The following DCC variants were observed in gnomAD, a reference collection of about 807,000 sequenced individuals.
DCC encodes the protein netrin receptor DCC.
Under a neutral mutation model 172.5 loss-of-function variants are expected in DCC, and 58 were observed. The ratio of observed to expected loss-of-function variants is 0.34; its 90% confidence interval spans 0.27 to 0.42. The LOEUF (loss-of-function observed/expected upper bound fraction) is 0.42. DCC is among the 10% of genes least tolerant of loss of function. DCC has a pLI of 1.00. For synonymous variants in DCC, 709 were observed against 644.5 expected, an observed-to-expected ratio of 1.10 and a Z score of -1.52; for missense variants, 1,740 against 1,791.0, an observed-to-expected ratio of 0.97 and a Z score of 0.51.
chr18:52,907,656 T>G (rs1443254252), intron 3 of DCC, among the ~76,000 whole-genome samples: 1 of 152,144 alleles, frequency 6.6e-6, no homozygotes, highest in Admixed American at 6.5e-5. Context: ...GCTCCAGCAA[T>G]CTGCCTGCCT....
At chr18:52,659,788 A>G (rs547246340) in intron 1 of DCC, among the ~76,000 whole-genome samples, 21 of 152,026 alleles carry the variant, frequency 1.4e-4, no homozygotes, top group Admixed American at 1.0e-3. Flanking sequence ...GTGGGATGGG[A>G]GGTGATGGCC....
intron 1 of DCC, among the ~76,000 whole-genome samples, chr18:52,682,668 A>G (rs1056985175): frequency 6.6e-6 from 1 of 152,128 alleles, no homozygotes; most frequent in African/African-American, 2.4e-5. Context: ...AAGGCAGATA[A>G]TTAACACGAA....
rs180919191 is a variant in DCC at position 53,067,197 on chromosome 18, T to C, written c.1261+1031T>C. Among the ~76,000 whole-genome samples, 376 of 152,246 alleles carry C rather than the reference T, an allele frequency of 2.5e-3. 2 individuals are homozygous for C. The highest frequency in any genetic ancestry group is 7.6e-3 in the African/African-American group (317 of 41,528). ...AATGTCATTTTGTTTTATAGTCTTT[T>C]GGAAGCTTAATATATTGCTGAATTA... On this transcript the variant is annotated intron_variant, in intron 7 of 28. Coordinates refer to ENST00000442544, the MANE Select transcript of DCC (RefSeq NM_005215.4).
chr18:52,633,516 T>C (rs577503533), intron 1 of DCC, among the ~76,000 whole-genome samples: 1 of 152,296 alleles, frequency 6.6e-6, no homozygotes, highest in Admixed American at 6.5e-5. Context: ...ATTCTGCCCA[T>C]CTATACAATG....
chr18:52,667,078 A>G (rs1397664154), intron 1 of DCC, among the ~76,000 whole-genome samples: 1 of 152,134 alleles, frequency 6.6e-6, no homozygotes, highest in Admixed American at 6.5e-5. Flanking sequence ...TACAGTTACA[A>G]GGGAGGATAT....
At chr18:52,594,756 A>T (rs2033872400) in intron 1 of DCC, among the ~76,000 whole-genome samples, 1 of 152,132 alleles carries the variant, frequency 6.6e-6, no homozygotes, top group Non-Finnish European at 1.5e-5. Context: ...CAAAAACAGG[A>T]GCAAGAGAGC....
At chr18:53,047,476 TTG>T (rs1568268539) in intron 5 of DCC, among the ~76,000 whole-genome samples, 1,264 of 78,314 alleles carry the variant, frequency 0.016, 57 homozygotes, top group African/African-American at 0.029. Context: ...ATTTTTGCTA[TTG>T]AGGAATCTTT....
chr18:52,682,153 C>A (rs1047880423), intron 1 of DCC, among the ~76,000 whole-genome samples: 1 of 152,024 alleles, frequency 6.6e-6, no homozygotes. Flanking sequence ...TAACTTTGCC[C>A]AATTAACTCA....
At chr18:52,953,256 A>G (rs1411087749) in intron 5 of DCC, among the ~76,000 whole-genome samples, 2 of 152,180 alleles carry the variant, frequency 1.3e-5, no homozygotes, top group African/African-American at 4.8e-5. Context: ...CAGTGCTTAG[A>G]TAACAAGTCT....
chr18:53,090,710 A>C (rs1312638471), intron 7 of DCC, among the ~76,000 whole-genome samples: 1 of 103,164 alleles, frequency 9.7e-6, no homozygotes, highest in African/African-American at 4.2e-5. Flanking sequence ...AAAAAAAAAA[A>C]AAAAAAAAAA....
intron 7 of DCC, among the ~76,000 whole-genome samples, chr18:53,110,146 A>G (rs1306090828): frequency 6.6e-6 from 1 of 151,678 alleles, no homozygotes; most frequent in Admixed American, 6.6e-5. Context: ...ACTATCCCTG[A>G]GTTAGAAACG....
chr18:52,353,960 C>T (rs187608931), intron 1 of DCC, among the ~76,000 whole-genome samples: 37 of 152,090 alleles, frequency 2.4e-4, no homozygotes, highest in African/African-American at 7.5e-4. Flanking sequence ...TGCCTCTCAG[C>T]GAAACATGCA....
At chr18:53,528,946 CA>C (rs1160202214) in intron 28 of DCC, among the ~76,000 whole-genome samples, 4 of 151,468 alleles carry the variant, frequency 2.6e-5, no homozygotes, top group Non-Finnish European at 5.9e-5. Flanking sequence ...GAACGACAAC[CA>C]GACAATGAAA....
chr18:52,552,984 A>G (rs1333875659), intron 1 of DCC, among the ~76,000 whole-genome samples: 1 of 152,074 alleles, frequency 6.6e-6, no homozygotes, highest in African/African-American at 2.4e-5. Flanking sequence ...CACAGGCTGC[A>G]GGTTACAGCA....
At chr18:53,334,207 A>G (rs1361176858) in intron 14 of DCC, among the ~76,000 whole-genome samples, 1 of 152,078 alleles carries the variant, frequency 6.6e-6, no homozygotes, top group East Asian at 1.9e-4. Context: ...CTTCTTTTTC[A>G]CCCAGAAAAA....
intron 21 of DCC, among the ~76,000 whole-genome samples, chr18:53,431,818 A>T (rs547492955): frequency 6.6e-6 from 1 of 152,104 alleles, no homozygotes; most frequent in African/African-American, 2.4e-5. Flanking sequence ...TTCATATAAA[A>T]TTGTATTATT....
At chr18:52,892,866 C>T (rs750935500) in intron 2 of DCC, among the ~76,000 whole-genome samples, 1 of 152,006 alleles carries the variant, frequency 6.6e-6, no homozygotes, top group African/African-American at 2.4e-5. Flanking sequence ...TCCAATTTTC[C>T]CCCAGTAGGT....
At chr18:52,630,861 G>A (rs567352174) in intron 1 of DCC, among the ~76,000 whole-genome samples, 1 of 152,314 alleles carries the variant, frequency 6.6e-6, no homozygotes, top group East Asian at 1.9e-4. Context: ...TTAAAAAGCT[G>A]TTGTTTATGT....
At chr18:52,375,778 T>C (rs766851538) in intron 1 of DCC, among the ~76,000 whole-genome samples, 3 of 152,102 alleles carry the variant, frequency 2.0e-5, no homozygotes, top group Non-Finnish European at 4.4e-5. Flanking sequence ...GCCAGTATAG[T>C]TGTGAGGCAG....
Sources: gnomAD v4.1 joint callset for allele counts (sites outside exome capture counted in the v4.1 genomes callset) on GRCh38, gnomAD v4.1.1 for gene constraint, MANE v1.5 for transcripts, NCBI Gene and HGNC (gene_info 2026-07-23, HGNC 2026-07-21) for gene names.